VPS13B: variants seen among roughly 807,000 people sequenced by gnomAD.
The protein encoded by VPS13B is intermembrane lipid transfer protein VPS13B.
Under a neutral mutation model 426.4 loss-of-function variants are expected in VPS13B, and 285 were observed. The ratio of observed to expected loss-of-function variants is 0.67; its 90% CI spans 0.61 to 0.74. VPS13B has a LOEUF of 0.74. Ranked by LOEUF, VPS13B falls within the 30% of genes least tolerant of loss-of-function variation. VPS13B has a pLI of 0.00. For missense variants in VPS13B, 4,537 were observed against 4,782.6 expected (o/e 0.95, Z 1.51); for synonymous variants, 1,676 against 1,676.4 (o/e 1.00, Z 0.01).
At chr8:99,533,593 G>A (rs557594829) in intron 30 of VPS13B, among the ~76,000 whole-genome samples, 1 of 152,136 alleles carries the variant, frequency 6.6e-6, no homozygotes, top group African/African-American at 2.4e-5. Flanking sequence ...GTTGAAAATT[G>A]AGGAATATAA....
intron 3 of VPS13B, among the ~76,000 whole-genome samples, chr8:99,088,331 G>C (rs1240587931): frequency 2.6e-5 from 4 of 151,802 alleles, no homozygotes; most frequent in Non-Finnish European, 5.9e-5. Flanking sequence ...CTGTTTTTCT[G>C]TTCTGAAATT....
At chr8:99,646,091 A>G (rs16897533) in intron 34 of VPS13B, among the ~76,000 whole-genome samples, 20,936 of 152,196 alleles carry the variant, frequency 0.14, 1,995 homozygotes, top group East Asian at 0.39. Flanking sequence ...TGGAGGGACT[A>G]AAAGAGATAT....
At chr8:99,034,017 A>G (rs1273433289) in intron 2 of VPS13B, among the ~76,000 whole-genome samples, 1 of 152,096 alleles carries the variant, frequency 6.6e-6, no homozygotes, top group Non-Finnish European at 1.5e-5. Flanking sequence ...GTTTGTTTCT[A>G]TTGACTATTT....
intron 43 of VPS13B, among the ~76,000 whole-genome samples, chr8:99,787,159 A>AC: frequency 6.6e-6 from 1 of 152,188 alleles, no homozygotes; most frequent in East Asian, 1.9e-4. Context: ...CCACTAAACA[A>AC]TGTAGCTAAC....
intron 2 of VPS13B, among the ~76,000 whole-genome samples, chr8:99,032,462 T>C (rs1206543973): frequency 6.6e-6 from 1 of 152,034 alleles, no homozygotes; most frequent in Non-Finnish European, 1.5e-5. Flanking sequence ...AAATTGATAT[T>C]TTTGATGTTC....
intron 25 of VPS13B, among the ~76,000 whole-genome samples, chr8:99,500,650 C>T (rs1308761790): frequency 6.6e-6 from 1 of 152,074 alleles, no homozygotes; most frequent in Admixed American, 6.6e-5. Flanking sequence ...ATATATACAT[C>T]TTTTAAACAA....
At chr8:99,281,169 T>C (rs1268881451) in intron 19 of VPS13B, among the ~76,000 whole-genome samples, 1 of 152,196 alleles carries the variant, frequency 6.6e-6, no homozygotes, top group Admixed American at 6.5e-5. Context: ...CACAACAGGC[T>C]TTGTGCTCCT....
intron 31 of VPS13B, among the ~76,000 whole-genome samples, chr8:99,569,282 G>T (rs760538188): frequency 5.9e-5 from 9 of 151,720 alleles, no homozygotes; most frequent in African/African-American, 9.7e-5. Context: ...ACAAAAATTA[G>T]CCGGGTGTGC....
intron 14 of VPS13B, among the ~76,000 whole-genome samples, chr8:99,148,374 A>G (rs892707249): frequency 6.7e-5 from 10 of 150,294 alleles, no homozygotes; most frequent in Non-Finnish European, 1.5e-5. Context: ...AAAAAAAAAA[A>G]AAAGAAAAAG....
chr8:99,115,269 A>G (rs1292149979), intron 6 of VPS13B, among the ~76,000 whole-genome samples: 2 of 152,122 alleles, frequency 1.3e-5, no homozygotes, highest in Non-Finnish European at 2.9e-5. Flanking sequence ...AAACCTGGAA[A>G]GAATGATTAG....
rs145590868 is a variant in VPS13B, at chr8:99,479,131, T to C, written c.3667-2468T>C. 7.9e-5 allele frequency among the ~76,000 whole-genome samples: 12 copies of C among 152,256 alleles called. No homozygotes were observed. In the East Asian group the frequency reaches 2.3e-3, roughly 29 times the overall value. Reference sequence around the variant, plus strand: ...CTAGGGACTCTTCATCAGCCCTGTATCTTGTCTTGATCATCCCCTGCGCTT... The same window carrying C: ...CTAGGGACTCTTCATCAGCCCTGTACCTTGTCTTGATCATCCCCTGCGCTT... On this transcript the variant is annotated intron_variant, in intron 24 of 61. Coordinates refer to ENST00000357162, the MANE Select transcript of VPS13B (RefSeq NM_152564.5).
intron 39 of VPS13B, among the ~76,000 whole-genome samples, chr8:99,728,504 C>T (rs143057334): frequency 1.3e-5 from 2 of 152,266 alleles, no homozygotes; most frequent in African/African-American, 4.8e-5. Flanking sequence ...TTTCCCATAT[C>T]AATTGATCAA....
At chr8:99,638,757 T>C (rs1030273677) in intron 33 of VPS13B, among the ~76,000 whole-genome samples, 1 of 152,208 alleles carries the variant, frequency 6.6e-6, no homozygotes, top group Admixed American at 6.5e-5. Context: ...TGAATGACTA[T>C]GTCTGGGGAA....
At chr8:99,865,185 G>A (rs947730670) in intron 58 of VPS13B, among the ~76,000 whole-genome samples, 1 of 152,148 alleles carries the variant, frequency 6.6e-6, no homozygotes, top group Non-Finnish European at 1.5e-5. Context: ...TGCAGTATTG[G>A]CATCAGCCTT....
At chr8:99,360,240 CTCCTTCCT>C (rs763728692) in intron 19 of VPS13B, among the ~76,000 whole-genome samples, 2,128 of 76,558 alleles carry the variant, frequency 0.028, 234 homozygotes, top group African/African-American at 0.072. Context: ...CTTTCTCTCT[CTCCTTCCT>C]TCCTTCCTTC....
rs377174760 is a variant in VPS13B, at chr8:99,275,238, C to T, written c.2808C>T (p.Asp936=). ...AFTIQVPQYI[D]YCHNSGAVLL... is the part of the protein sequence containing the mutation. Reference sequence around the variant, plus strand: ...CAATCCAAGTTCCACAATATATTGACTACTGCCACAATTCCGGTAAGTACA... The same window carrying T: ...CAATCCAAGTTCCACAATATATTGATTACTGCCACAATTCCGGTAAGTACA... The change falls in exon 19 of 62, where the codon GAC becomes GAT. Residue 936 remains aspartate (D), a synonymous_variant. Transcript: ENST00000357162. 4.7e-5 allele frequency: 75 copies of T among 1,608,090 alleles called. No homozygotes were observed. Among genetic ancestry groups the T allele is most frequent in the Non-Finnish European group, 5.7e-5 (67 of 1,177,468 alleles).
chr8:99,404,760 C>G (rs141040457), intron 21 of VPS13B, among the ~76,000 whole-genome samples: 1 of 152,036 alleles, frequency 6.6e-6, no homozygotes, highest in Non-Finnish European at 1.5e-5. Flanking sequence ...GACCAAAACA[C>G]CTAAGTTTTT....
rs578208117 is a variant in VPS13B, at chr8:99,665,140, C to T, written c.6046+3649C>T. On this transcript the variant is annotated intron_variant, in intron 35 of 61. Coordinates refer to ENST00000357162, the MANE Select transcript of VPS13B (RefSeq NM_152564.5). ...TCTTTTGAGAAGTGTCTGTTCATAT[C>T]CTTCGCCCACTGTTTGATGGGGTTG... 2.0e-5 allele frequency among the ~76,000 whole-genome samples: 3 copies of T among 152,212 alleles called. No homozygotes were observed. In the South Asian group the frequency reaches 6.2e-4, roughly 32 times the overall value.
At chr8:99,781,840 G>C (rs1812037484) in intron 42 of VPS13B, among the ~76,000 whole-genome samples, 1 of 152,100 alleles carries the variant, frequency 6.6e-6, no homozygotes, top group Non-Finnish European at 1.5e-5. Flanking sequence ...GTGTAACTAA[G>C]TGGGAGATTG....
Sources: gnomAD v4.1 joint callset for allele counts (sites outside exome capture counted in the v4.1 genomes callset) on GRCh38, gnomAD v4.1.1 for gene constraint, MANE v1.5 for transcripts, NCBI Gene and HGNC (gene_info 2026-07-23, HGNC 2026-07-21) for gene names.